KIAA1671: variants seen among roughly 807,000 people sequenced by gnomAD.
The protein encoded by KIAA1671 is KIAA1671, also known as uncharacterized protein KIAA1671.
KIAA1671 carries 52 observed loss-of-function variants against 131.2 expected under a neutral mutation model. The observed-to-expected ratio is 0.40, with a 90% confidence interval of 0.32 to 0.50. KIAA1671 has a LOEUF of 0.50. Among genes scored for constraint, KIAA1671 ranks in the 20% least tolerant of loss-of-function variants. The probability of loss-of-function intolerance (pLI) is 0.73; values close to 1 mark genes in which losing one functional copy is unlikely to be tolerated. For synonymous variants in KIAA1671, 1,003 were observed against 961.6 expected (o/e 1.04, Z -0.80); for missense variants, 2,360 against 2,364.2 (o/e 1.00, Z 0.04).
intron 6 of KIAA1671, among the ~76,000 whole-genome samples, chr22:25,067,952 C>T (rs745448207): frequency 4.6e-5 from 7 of 152,284 alleles, no homozygotes; most frequent in African/African-American, 7.2e-5. Flanking sequence ...GGACACGCAG[C>T]GCCAGGGGTA....
rs1345637127 is a variant in KIAA1671, at chr22:25,174,780, T to C, written c.4899+291T>C. On this transcript the variant is annotated intron_variant, in intron 8 of 12. Coordinates refer to ENST00000358431, the MANE Select transcript of KIAA1671 (RefSeq NM_001145206.2). ...CAATTGCATGCATTCAAATTAAAAC[T>C]GATCTAAGCCCTTACCTGCTAGGTA... 2.0e-5 allele frequency: 6 copies of C among 297,712 alleles called. No individual in the cohort carries two copies. The East Asian group carries it at 3.7e-4, about 18-fold the overall frequency. 18.4% of individuals were successfully genotyped at this position (297,712 alleles called of 1,614,324 possible). A position where few individuals can be genotyped will look rare whatever the true frequency, so the allele number is the denominator to read the frequency against.
chr22:25,000,179 C>G (rs1397413927), intron 1 of KIAA1671, among the ~76,000 whole-genome samples: 8 of 129,328 alleles, frequency 6.2e-5, no homozygotes, highest in Admixed American at 2.5e-4. Flanking sequence ...CACTGCTCCT[C>G]GCCTGTTTTT....
At chr22:24,992,862 G>A (rs1395807431) in intron 1 of KIAA1671, among the ~76,000 whole-genome samples, 10 of 143,180 alleles carry the variant, frequency 7.0e-5, no homozygotes, top group Middle Eastern at 7.8e-3. Context: ...GCTTTTTGAT[G>A]TATATTCTTA....
chr22:25,122,271 G>A (rs183166790), intron 6 of KIAA1671, among the ~76,000 whole-genome samples: 4 of 152,240 alleles, frequency 2.6e-5, no homozygotes, highest in Admixed American at 2.6e-4. Flanking sequence ...GCTTACCAGT[G>A]TGACATGTCG....
rs1449321261 is a variant in KIAA1671 at position 25,032,713 on chromosome 22, T to C, written c.1629+17T>C. The C allele has an allele frequency of 1.1e-5, 17 of 1,497,544 alleles. No individual in the cohort carries two copies. The highest frequency in any genetic ancestry group is 1.1e-5 in the Non-Finnish European group (12 of 1,101,658). 92.8% of individuals were successfully genotyped at this position (1,497,544 alleles called of 1,614,324 possible). On this transcript the variant is annotated intron_variant, in intron 4 of 12. Transcript: ENST00000358431. Reference sequence around the variant, plus strand: ...AGAGAAAAGGTAAGGAGTGGCTGTGTAGCACGTCTCTCATTAACCAGCGGG... The same window carrying C: ...AGAGAAAAGGTAAGGAGTGGCTGTGCAGCACGTCTCTCATTAACCAGCGGG...
chr22:25,062,261 CCT>C (rs1928198734), intron 6 of KIAA1671: 1 of 153,192 alleles, frequency 6.5e-6, no homozygotes, highest in African/African-American at 2.4e-5. Flanking sequence ...TTCTCCTCCT[CCT>C]CTTTTTTCTT....
intron 1 of KIAA1671, among the ~76,000 whole-genome samples, chr22:24,988,392 T>C (rs1255663282): frequency 1.3e-5 from 2 of 152,134 alleles, no homozygotes; most frequent in Non-Finnish European, 2.9e-5. Context: ...AGGATTCCCA[T>C]TTTTGCTTCA....
At chr22:25,137,853 T>C (rs1053423916) in intron 6 of KIAA1671, among the ~76,000 whole-genome samples, 19 of 152,318 alleles carry the variant, frequency 1.2e-4, no homozygotes, top group Admixed American at 1.0e-3. Context: ...GTGGAGGAGA[T>C]TGAGGCCCAG....
intron 1 of KIAA1671, among the ~76,000 whole-genome samples, chr22:24,980,364 C>T (rs191108874): frequency 6.6e-6 from 1 of 151,192 alleles, no homozygotes; most frequent in Non-Finnish European, 1.5e-5. Context: ...CTCCACCTCC[C>T]GGATTCAAGC....
chr22:25,065,648 T>A (rs1221694754), intron 6 of KIAA1671, among the ~76,000 whole-genome samples: 4 of 143,102 alleles, frequency 2.8e-5, no homozygotes, highest in East Asian at 2.0e-4. Flanking sequence ...ATTATTATTA[T>A]TTTTTTTTTT....
intron 1 of KIAA1671, among the ~76,000 whole-genome samples, chr22:24,970,744 AAAC>A (rs1922566956): frequency 1.3e-5 from 2 of 151,544 alleles, no homozygotes; most frequent in Non-Finnish European, 2.9e-5. Flanking sequence ...AAAAAAAACA[AAAC>A]AAAACTCATA....
At chr22:25,113,751 A>G (rs1345558293) in intron 6 of KIAA1671, among the ~76,000 whole-genome samples, 2 of 152,190 alleles carry the variant, frequency 1.3e-5, no homozygotes, top group African/African-American at 2.4e-5. Flanking sequence ...TGTGGCCCAG[A>G]ACAAATTAGT....
chr22:25,015,541 G>C (rs1925264901), intron 1 of KIAA1671, among the ~76,000 whole-genome samples: 3 of 152,166 alleles, frequency 2.0e-5, no homozygotes, highest in African/African-American at 7.2e-5. Context: ...TGTTTCTCCA[G>C]ATCAGCAGCT....
chr22:24,956,202 G>T (rs1331707213), intron 1 of KIAA1671, among the ~76,000 whole-genome samples: 2 of 152,232 alleles, frequency 1.3e-5, no homozygotes, highest in Non-Finnish European at 2.9e-5. Flanking sequence ...CAAGGTGGGT[G>T]TAACAGTCTA....
At chr22:25,096,066 T>A (rs1304511736) in intron 6 of KIAA1671, among the ~76,000 whole-genome samples, 1 of 152,194 alleles carries the variant, frequency 6.6e-6, no homozygotes, top group African/African-American at 2.4e-5. Context: ...AGCTGGGAGT[T>A]CTTCCTGTCC....
chr22:25,145,623 G>T lies in KIAA1671; in HGVS notation c.4531-25197G>T, dbSNP rs1319950933. On this transcript the variant is annotated intron_variant, in intron 6 of 12. Transcript: ENST00000358431. ...TGTCCCTAAAACAAGGTCCTTGCCA[G>T]CTCCAAGTCACTCAATGGAAAACCC... Among the ~76,000 whole-genome samples, 5 of 152,176 alleles carry T rather than the reference G, an allele frequency of 3.3e-5. No homozygotes were observed. In the East Asian group the frequency reaches 9.6e-4, roughly 29 times the overall value.
In KIAA1671 at chr22:25,040,683, A is replaced by G; in HGVS notation, c.3553A>G (p.Thr1185Ala). 1 of 1,552,174 alleles carries G rather than the reference A, an allele frequency of 6.4e-7. No individual in the cohort carries two copies. The highest frequency in any genetic ancestry group is 2.0e-5 in the Admixed American group (1 of 51,008). ...AAGGAAGACTGATGTGATCAGTGACACGTTCCCAGGTAAAATCAGAGATGG... is the reference window on the plus strand; with the variant it reads ...AAGGAAGACTGATGTGATCAGTGACGCGTTCCCAGGTAAAATCAGAGATGG... ...VRRKTDVISD[T>A]FPGKIRDGYR... is the part of the protein sequence containing the mutation. The change falls in exon 5 of 13, where the codon ACG becomes GCG. Residue 1185 changes from threonine (T) to alanine (A), a missense_variant. Physicochemically the swap from Thr to Ala is moderately conservative, Grantham distance 58. Around this residue, in one of 3 missense-constraint regions of KIAA1671, gnomAD observed 1,161 missense variants for 1,204.7 expected, o/e 0.96. Transcript: ENST00000358431.
chr22:24,977,663 T>C (rs971517046), intron 1 of KIAA1671, among the ~76,000 whole-genome samples: 5 of 152,114 alleles, frequency 3.3e-5, no homozygotes. Flanking sequence ...TTCCCAGGGT[T>C]GGGGGTTGAG....
chr22:25,147,998 AC>A (rs1932917805), intron 6 of KIAA1671, among the ~76,000 whole-genome samples: 1 of 50,510 alleles, frequency 2.0e-5, no homozygotes, highest in African/African-American at 1.0e-4. Context: ...CTCCCTCCCT[AC>A]CTCACTCTCT....
Sources: allele counts gnomAD v4.1 joint callset (sites outside exome capture counted in the v4.1 genomes callset), GRCh38; gene constraint gnomAD v4.1.1; regional missense constraint gnomAD v4.1.1; transcripts MANE v1.5; gene names NCBI Gene and HGNC (gene_info 2026-07-23, HGNC 2026-07-21).